The following RBMS3 variants were observed in gnomAD, a reference collection of about 807,000 sequenced individuals.
The protein encoded by RBMS3 is RNA binding motif single stranded interacting protein 3, also known as RNA-binding motif, single-stranded-interacting protein 3.
A neutral mutation model predicts 66.8 loss-of-function variants in RBMS3; 27 were observed. The observed-to-expected ratio is 0.40, with a 90% CI of 0.30 to 0.56. RBMS3 has a LOEUF of 0.56. RBMS3 is among the 20% of genes least tolerant of loss of function. The probability of loss-of-function intolerance (pLI) is 0.40; values close to 1 mark genes in which losing one functional copy is unlikely to be tolerated. For missense variants in RBMS3, 513 were observed against 549.5 expected (o/e 0.93, Z 0.66); for synonymous variants, 188 against 183.0 (o/e 1.03, Z -0.22).
chr3:29,283,494 G>C (rs2032000617), intron 1 of RBMS3, among the ~76,000 whole-genome samples: 1 of 152,122 alleles, frequency 6.6e-6, no homozygotes, highest in Non-Finnish European at 1.5e-5. Context: ...GGGGGGTAAA[G>C]AGAGAGAGTG....
At chr3:29,625,512 GGT>G (rs1174128101) in intron 4 of RBMS3, among the ~76,000 whole-genome samples, 1 of 151,892 alleles carries the variant, frequency 6.6e-6, no homozygotes, top group Non-Finnish European at 1.5e-5. Context: ...CGACCAAAGT[GGT>G]GAAACTCCAT....
chr3:29,819,889 C>T (rs1369404875), intron 6 of RBMS3, among the ~76,000 whole-genome samples: 1 of 152,030 alleles, frequency 6.6e-6, no homozygotes, highest in Admixed American at 6.6e-5. Flanking sequence ...TTATAATCTA[C>T]TCCTTATATA....
chr3:29,875,241 T>C (rs2059585770), intron 7 of RBMS3, among the ~76,000 whole-genome samples: 1 of 152,074 alleles, frequency 6.6e-6, no homozygotes. Context: ...AAGCAACAGT[T>C]TACAACCTCC....
intron 4 of RBMS3, among the ~76,000 whole-genome samples, chr3:29,707,722 G>A (rs56063841): frequency 0.015 from 2,299 of 152,282 alleles, 28 homozygotes; most frequent in South Asian, 0.027. Flanking sequence ...ATGGTCCCCT[G>A]CCATTTCTCT....
At chr3:29,448,548 A>C (rs562504124) in intron 2 of RBMS3, among the ~76,000 whole-genome samples, 1 of 152,346 alleles carries the variant, frequency 6.6e-6, no homozygotes, top group African/African-American at 2.4e-5. Flanking sequence ...AGAATAATGC[A>C]TTTGTATTCA....
intron 4 of RBMS3, among the ~76,000 whole-genome samples, chr3:29,671,224 A>C (rs1394781523): frequency 3.3e-5 from 5 of 152,082 alleles, no homozygotes; most frequent in South Asian, 2.1e-4. Context: ...AACAGAAAGG[A>C]ATAGCATCAA....
chr3:29,522,861 G>A (rs2044918922), intron 3 of RBMS3, among the ~76,000 whole-genome samples: 1 of 152,136 alleles, frequency 6.6e-6, no homozygotes, highest in South Asian at 2.1e-4. Flanking sequence ...CACATGAGGT[G>A]CTGTTTTGTG....
intron 3 of RBMS3, among the ~76,000 whole-genome samples, chr3:29,512,197 C>T (rs2044440623): frequency 6.6e-6 from 1 of 151,986 alleles, no homozygotes; most frequent in South Asian, 2.1e-4. Flanking sequence ...ATCAGTTAGT[C>T]AGGATTATTT....
chr3:30,001,581 T>C (rs1699611128), intron 14 of RBMS3, among the ~76,000 whole-genome samples: 1 of 151,986 alleles, frequency 6.6e-6, no homozygotes, highest in Admixed American at 6.6e-5. Flanking sequence ...CTGCCATGAA[T>C]ACCAAATTTC....
chr3:29,312,712 T>C (rs1436359364), intron 1 of RBMS3, among the ~76,000 whole-genome samples: 5 of 151,278 alleles, frequency 3.3e-5, no homozygotes, highest in South Asian at 4.2e-4. Flanking sequence ...CTTTTTTTTT[T>C]CTCTCACCTA....
chr3:29,919,482 T>C (rs536497036), intron 10 of RBMS3, among the ~76,000 whole-genome samples: 1 of 152,366 alleles, frequency 6.6e-6, no homozygotes, highest in Non-Finnish European at 1.5e-5. Context: ...TAGGTGTGTA[T>C]ACACTCGCTT....
chr3:29,354,584 G>C (rs1559511081), intron 1 of RBMS3, among the ~76,000 whole-genome samples: 2 of 151,714 alleles, frequency 1.3e-5, no homozygotes, highest in Non-Finnish European at 2.9e-5. Flanking sequence ...CACACACACA[G>C]ACACACACAC....
At chr3:29,337,273 A>C (rs115831066) in intron 1 of RBMS3, among the ~76,000 whole-genome samples, 1 of 152,230 alleles carries the variant, frequency 6.6e-6, no homozygotes, top group Non-Finnish European at 1.5e-5. Context: ...CCTATTGATC[A>C]AAATTATTTT....
chr3:29,776,656 A>G (rs147117019), intron 6 of RBMS3, among the ~76,000 whole-genome samples: 1 of 152,116 alleles, frequency 6.6e-6, no homozygotes, highest in Non-Finnish European at 1.5e-5. Context: ...TATTAGTGGC[A>G]TCTGTTAGCC....
At chr3:29,729,606 G>A (rs59762834) in intron 4 of RBMS3, among the ~76,000 whole-genome samples, 15,244 of 151,918 alleles carry the variant, frequency 0.1, 1,373 homozygotes, top group African/African-American at 0.24. Flanking sequence ...TCCCACCAAC[G>A]GTGTAAAAGC....
intron 1 of RBMS3, among the ~76,000 whole-genome samples, chr3:29,314,042 T>G (rs2034535244): frequency 1.3e-5 from 2 of 151,594 alleles, no homozygotes; most frequent in African/African-American, 4.8e-5. Flanking sequence ...CTTTGTCTAC[T>G]TTGCAGTACT....
At chr3:29,764,088 T>G (rs937731515) in intron 6 of RBMS3, among the ~76,000 whole-genome samples, 2 of 149,474 alleles carry the variant, frequency 1.3e-5, no homozygotes, top group Admixed American at 6.7e-5. Context: ...GAGAAATATT[T>G]TTGTGGAGGG....
intron 4 of RBMS3, among the ~76,000 whole-genome samples, chr3:29,710,353 T>C (rs529288629): frequency 6.6e-5 from 10 of 152,312 alleles, no homozygotes; most frequent in African/African-American, 1.7e-4. Context: ...CTAAACTTCA[T>C]TGCATATATT....
At chr3:29,486,993 G>A (rs2043345784) in intron 2 of RBMS3, among the ~76,000 whole-genome samples, 3 of 151,954 alleles carry the variant, frequency 2.0e-5, no homozygotes, top group Admixed American at 1.3e-4. Context: ...AAAAGATGCA[G>A]TGACATTTTC....
Sources: allele counts gnomAD v4.1 joint callset (sites outside exome capture counted in the v4.1 genomes callset), GRCh38; gene constraint gnomAD v4.1.1; transcripts MANE v1.5; gene names NCBI Gene and HGNC (gene_info 2026-07-23, HGNC 2026-07-21).